The following KIAA1217 variants were observed in gnomAD, a reference collection of about 807,000 sequenced individuals.
KIAA1217 encodes the protein sickle tail protein homolog.
Under a neutral mutation model 163.9 loss-of-function variants are expected in KIAA1217, and 88 were observed. The ratio of observed to expected loss-of-function variants is 0.54; its 90% confidence interval spans 0.45 to 0.64. The LOEUF is 0.64. Among genes scored for constraint, KIAA1217 ranks in the 30% least tolerant of loss-of-function variants. The pLI is 0.00. For synonymous variants in KIAA1217, 903 were observed against 923.1 expected (o/e 0.98, Z 0.39); for missense variants, 2,372 against 2,475.0 (o/e 0.96, Z 0.88).
At chr10:24,390,915 C>T (rs2054836756) in intron 3 of KIAA1217, among the ~76,000 whole-genome samples, 1 of 152,122 alleles carries the variant, frequency 6.6e-6, no homozygotes, top group Non-Finnish European at 1.5e-5. Flanking sequence ...CCAATTCACC[C>T]ATAAGAAAGA....
intron 3 of KIAA1217, among the ~76,000 whole-genome samples, chr10:24,427,531 T>C: frequency 6.6e-6 from 1 of 152,226 alleles, no homozygotes; most frequent in Non-Finnish European, 1.5e-5. Context: ...TTGGACTTTC[T>C]GAGCTTTTAT....
chr10:24,217,031 CAAAAAAA>C (rs60303909), intron 1 of KIAA1217, among the ~76,000 whole-genome samples: 7 of 21,320 alleles, frequency 3.3e-4, no homozygotes, highest in East Asian at 2.4e-3. Flanking sequence ...GACCTTGTCT[CAAAAAAA>C]AAAAAAAAAA....
chr10:23,724,441 A>T (rs1162777741), intron 1 of KIAA1217, among the ~76,000 whole-genome samples: 1 of 152,146 alleles, frequency 6.6e-6, no homozygotes, highest in African/African-American at 2.4e-5. Context: ...TATTTAATTA[A>T]CAATTTTCTA....
At chr10:23,794,294 T>C (rs1420122465) in intron 1 of KIAA1217, among the ~76,000 whole-genome samples, 1 of 152,196 alleles carries the variant, frequency 6.6e-6, no homozygotes, top group Non-Finnish European at 1.5e-5. Flanking sequence ...CTAACACTTA[T>C]GAAATGGACA....
intron 1 of KIAA1217, among the ~76,000 whole-genome samples, chr10:23,953,470 G>A (rs1054639581): frequency 6.6e-6 from 1 of 152,142 alleles, no homozygotes; most frequent in African/African-American, 2.4e-5. Flanking sequence ...AGCTATGATT[G>A]CCATCTATGT....
chr10:24,496,853 G>T (rs1259417959), intron 8 of KIAA1217, among the ~76,000 whole-genome samples: 1 of 152,214 alleles, frequency 6.6e-6, no homozygotes, highest in Non-Finnish European at 1.5e-5. Context: ...GGGGAAAGGA[G>T]CCAGTGTCAT....
At chr10:24,068,143 C>T (rs1300177795) in intron 2 of KIAA1217, among the ~76,000 whole-genome samples, 1 of 152,174 alleles carries the variant, frequency 6.6e-6, no homozygotes, top group African/African-American at 2.4e-5. Flanking sequence ...GCACTGCACC[C>T]ACTGTCCTGC....
rs901607879 is a variant in KIAA1217 at position 24,479,099 on chromosome 10, C to A, written c.1679+5039C>A. ...GCACCTATAACTACAGAAAAGCAAA[C>A]AACTTGAGTTTCTATTATGATTTTT... On this transcript the variant is annotated intron_variant, in intron 6 of 20. Transcript: ENST00000376454. Among the ~76,000 whole-genome samples the A allele has an allele frequency of 4.6e-5, 7 of 152,280 alleles. No individual in the cohort carries two copies. In the East Asian group the frequency reaches 1.4e-3, roughly 29 times the overall value.
chr10:24,167,949 T>A (rs187604878), intron 2 of KIAA1217, among the ~76,000 whole-genome samples: 23 of 152,262 alleles, frequency 1.5e-4, no homozygotes, highest in Non-Finnish European at 3.1e-4. Flanking sequence ...AACCCAATCC[T>A]GAGATAACGT....
chr10:24,262,204 C>T (rs977287658), intron 2 of KIAA1217, among the ~76,000 whole-genome samples: 3 of 152,140 alleles, frequency 2.0e-5, no homozygotes, highest in Admixed American at 2.0e-4. Flanking sequence ...CAGAGAACCG[C>T]ACAAGGACTT....
intron 1 of KIAA1217, among the ~76,000 whole-genome samples, chr10:23,826,805 A>G (rs1837920706): frequency 6.6e-6 from 1 of 152,090 alleles, no homozygotes; most frequent in South Asian, 2.1e-4. Flanking sequence ...TAAACTCCCC[A>G]CATGCAATGT....
intron 5 of KIAA1217, chr10:24,466,448 T>G (rs1366645227): frequency 1.2e-6 from 1 of 842,870 alleles, no homozygotes; most frequent in Non-Finnish European, 1.4e-6. Flanking sequence ...AGCCTGTGGT[T>G]GGATGTGGGC....
intron 2 of KIAA1217, among the ~76,000 whole-genome samples, chr10:24,220,692 G>A (rs2069491324): frequency 6.7e-6 from 1 of 149,076 alleles, no homozygotes; most frequent in African/African-American, 2.5e-5. Context: ...CTGATCTCGT[G>A]ATCCGCCCAC....
intron 2 of KIAA1217, among the ~76,000 whole-genome samples, chr10:24,184,063 G>C (rs1442048256): frequency 6.6e-6 from 1 of 152,136 alleles, no homozygotes; most frequent in Non-Finnish European, 1.5e-5. Context: ...TCTATAGTAG[G>C]ACAGCTGCCT....
intron 2 of KIAA1217, among the ~76,000 whole-genome samples, chr10:24,193,641 A>G (rs1016406610): frequency 3.9e-5 from 6 of 152,260 alleles, no homozygotes; most frequent in African/African-American, 1.4e-4. Context: ...TCTTGAGGAA[A>G]TAAACGAGCT....
At chr10:23,976,456 T>C (rs558979196) in intron 1 of KIAA1217, among the ~76,000 whole-genome samples, 1 of 152,302 alleles carries the variant, frequency 6.6e-6, no homozygotes, top group African/African-American at 2.4e-5. Context: ...CAGGCACATC[T>C]TCTATTTATA....
At chr10:23,701,751 A>T (rs1172230414) in intron 1 of KIAA1217, among the ~76,000 whole-genome samples, 1 of 152,220 alleles carries the variant, frequency 6.6e-6, no homozygotes. Context: ...GTCTGGGTTG[A>T]TAGGATATTT....
chr10:23,863,520 G>A (rs951105030), intron 1 of KIAA1217, among the ~76,000 whole-genome samples: 4 of 152,066 alleles, frequency 2.6e-5, no homozygotes, highest in Admixed American at 6.6e-5. Context: ...ACGGTTCATC[G>A]TCTCTTGCCT....
At chr10:24,328,538 A>G (rs1330188216) in intron 2 of KIAA1217, among the ~76,000 whole-genome samples, 1 of 151,816 alleles carries the variant, frequency 6.6e-6, no homozygotes, top group Non-Finnish European at 1.5e-5. Context: ...CATTGGCTCT[A>G]TGGAACAAGT....
Sources: allele counts gnomAD v4.1 joint callset (sites outside exome capture counted in the v4.1 genomes callset), GRCh38; gene constraint gnomAD v4.1.1; transcripts MANE v1.5; gene names NCBI Gene and HGNC (gene_info 2026-07-23, HGNC 2026-07-21).